Variants in TIPIN observed in about 807,000 individuals in gnomAD.
TIPIN encodes the protein TIMELESS-interacting protein.
In TIPIN, 29 loss-of-function variants were observed where a neutral mutation model predicts 35.6. The ratio of observed to expected loss-of-function variants is 0.82; its 90% confidence interval spans 0.61 to 1.11. The LOEUF is 1.11. Ranked by LOEUF, TIPIN falls within the 50% of genes most tolerant of loss-of-function variation. TIPIN has a pLI of 0.00. For missense variants in TIPIN, 296 were observed against 345.4 expected (o/e 0.86, Z 1.13); for synonymous variants, 102 against 121.5 (o/e 0.84, Z 1.06).
chr15:66,343,713 T>C (rs949437344), intron 6 of TIPIN, among the ~76,000 whole-genome samples: 1 of 152,178 alleles, frequency 6.6e-6, no homozygotes, highest in Non-Finnish European at 1.5e-5. Context: ...TAGAGCCACT[T>C]ATGAGCCAGG....
At chr15:66,359,020 G>A (rs1040925439), upstream of TIPIN, among the ~76,000 whole-genome samples, 17 of 151,110 alleles carry the variant, frequency 1.1e-4, no homozygotes, top group Middle Eastern at 6.8e-3. Context: ...TCCAGCCTGG[G>A]TGATATAACT....
At chr15:66,359,656 T>A (rs1304862200), upstream of TIPIN, among the ~76,000 whole-genome samples, 1 of 152,140 alleles carries the variant, frequency 6.6e-6, no homozygotes, top group Non-Finnish European at 1.5e-5. Flanking sequence ...GCCTAAAAGT[T>A]ACATGAATTT....
Position 66,339,156 on chromosome 15 carries a change from A to T in TIPIN, c.683-1975T>A, listed in dbSNP as rs1369522370. Among the ~76,000 whole-genome samples, 5 of 63,536 alleles carry T rather than the reference A, an allele frequency of 7.9e-5. 1 individual carries two copies. Among genetic ancestry groups the T allele is most frequent in the East Asian group, 7.8e-4 (2 of 2,552 alleles). The allele number at this position is 63,536 out of a possible 152,430, so 41.7% of individuals were successfully genotyped here. A position where few individuals can be genotyped will look rare whatever the true frequency, so the allele number is the denominator to read the frequency against. ...CAAAAAAAAAAAAAAAAAAAAAAAA[A>T]AGCAAAAAGAAAAAGTAAATTCATC... On this transcript the variant is annotated intron_variant, in intron 7 of 7. Transcript: ENST00000261881.
At chr15:66,356,082 A>G (rs1303022996) in intron 1 of TIPIN, among the ~76,000 whole-genome samples, 1 of 152,144 alleles carries the variant, frequency 6.6e-6, no homozygotes, top group African/African-American at 2.4e-5. Flanking sequence ...AGAAGAGTGA[A>G]GGTAACAAAT....
chr15:66,347,453 T>C (rs1235505255), intron 6 of TIPIN: 3 of 339,888 alleles, frequency 8.8e-6, no homozygotes, highest in African/African-American at 6.4e-5. Context: ...CAATGGTGTA[T>C]ATGTATATGA....
intron 6 of TIPIN, among the ~76,000 whole-genome samples, chr15:66,347,597 T>C (rs988429525): frequency 2.0e-5 from 3 of 152,200 alleles, no homozygotes; most frequent in Non-Finnish European, 4.4e-5. Context: ...CTTTGTTTTT[T>C]TTGAGACAAG....
chr15:66,346,338 C>A (rs977313404), intron 6 of TIPIN, among the ~76,000 whole-genome samples: 2 of 151,666 alleles, frequency 1.3e-5, no homozygotes, highest in African/African-American at 4.9e-5. Context: ...AGATGGCTCC[C>A]CCATTCAAAA....
chr15:66,336,380 CT>C lies in TIPIN; in HGVS notation c.*577del, dbSNP rs1357421301. The C allele has an allele frequency of 4.6e-5, 7 of 153,306 alleles. No homozygotes were observed. Among genetic ancestry groups the C allele is most frequent in the Admixed American group, 1.9e-4 (3 of 15,498 alleles). 9.5% of individuals were successfully genotyped at this position (153,306 alleles called of 1,614,324 possible). A position where few individuals can be genotyped will look rare whatever the true frequency, so the allele number is the denominator to read the frequency against. The stretch of plus-strand genomic sequence containing the variant: ...ACCAGCCTGGCCAACATGGTGAAAC[CT>C]CATCTCTACTAAAAGTACAAAAATT... On this transcript the variant is annotated 3_prime_UTR_variant, in exon 8 of 8. Coordinates refer to ENST00000261881, the MANE Select transcript of TIPIN (RefSeq NM_017858.3).
At chr15:66,353,101 T>C (rs1401197392) in intron 1 of TIPIN, 146 bp from the exon 2 acceptor site, 3 of 732,646 alleles carry the variant, frequency 4.1e-6, no homozygotes, top group Non-Finnish European at 6.0e-6. Context: ...AAGATACTAA[T>C]TATGAAAAAA....
chr15:66,380,768 T>C (rs899199231), intron 1 of TIPIN, among the ~76,000 whole-genome samples: 6 of 151,986 alleles, frequency 3.9e-5, no homozygotes, highest in South Asian at 4.2e-4. Context: ...TGAGCCCCAA[T>C]TGCACCACTG....
chr15:66,340,170 C>CTTTTTTTT (rs1566970488), intron 7 of TIPIN, among the ~76,000 whole-genome samples: 2 of 113,882 alleles, frequency 1.8e-5, no homozygotes, highest in African/African-American at 7.2e-5. Flanking sequence ...CTGCGCCTGG[C>CTTTTTTTT]CTTTTTTTTT....
chr15:66,368,296 G>C (rs1453786244), intron 1 of TIPIN, among the ~76,000 whole-genome samples: 1 of 151,286 alleles, frequency 6.6e-6, no homozygotes. Flanking sequence ...AAGGAGGGAG[G>C]ATCACTTGAG....
exon 1 of TIPIN, chr15:66,386,716 A>T (rs968934126): frequency 1.1e-5 from 2 of 186,448 alleles, no homozygotes; most frequent in Admixed American, 1.2e-4. Flanking sequence ...AGAGGGCGCC[A>T]CGGCGTCCGC....
At chr15:66,351,472 A>G in intron 4 of TIPIN, 53 bp downstream of exon 4, 1 of 1,368,966 alleles carries the variant, frequency 7.3e-7, no homozygotes, top group Non-Finnish European at 1.0e-6. Flanking sequence ...ATGGGTCCAC[A>G]TTTTTATTGC....
intron 1 of TIPIN, among the ~76,000 whole-genome samples, chr15:66,371,614 G>C (rs2093277971): frequency 6.6e-6 from 1 of 150,922 alleles, no homozygotes; most frequent in Admixed American, 6.6e-5. Flanking sequence ...CCCAGGTTCA[G>C]GCCATTCTCC....
chr15:66,375,500 TA>T (rs2093293271), intron 1 of TIPIN, among the ~76,000 whole-genome samples: 7 of 686 alleles, frequency 0.01, no homozygotes, highest in Non-Finnish European at 0.021. Flanking sequence ...TTGGAAAAGT[TA>T]TATATATATA....
intron 6 of TIPIN, among the ~76,000 whole-genome samples, chr15:66,347,872 C>A (rs2093137689): frequency 6.6e-6 from 1 of 152,160 alleles, no homozygotes; most frequent in Non-Finnish European, 1.5e-5. Flanking sequence ...GCATGAGCCA[C>A]CACGCCCAGC....
chr15:66,360,084 T>C (rs2093224521), upstream of TIPIN, among the ~76,000 whole-genome samples: 1 of 152,030 alleles, frequency 6.6e-6, no homozygotes. Flanking sequence ...AGTTTCCTCA[T>C]AGGGTTGTAA....
In TIPIN at chr15:66,371,967, G is replaced by C. The variant is rs577278061; in HGVS notation, c.-9+14640C>G. On this transcript the variant is annotated intron_variant, in intron 1 of 7. Transcript: ENST00000562124. ...TTGCCATCATGCCTAGCTAATTTTT[G>C]TATTTTTTATAGAGAGAGGTTCTCA... Among the ~76,000 whole-genome samples the C allele has an allele frequency of 2.0e-5, 3 of 152,010 alleles. No individual in the cohort carries two copies. The South Asian group carries it at 6.2e-4, about 31-fold the overall frequency.
Sources: allele counts gnomAD v4.1 joint callset (sites outside exome capture counted in the v4.1 genomes callset), GRCh38; gene constraint gnomAD v4.1.1; transcripts MANE v1.5; gene names NCBI Gene and HGNC (gene_info 2026-07-23, HGNC 2026-07-21).